FGFR1: variants seen among roughly 807,000 people sequenced by gnomAD.
The protein encoded by FGFR1 is FGFR1/PLAG1 fusion.
FGFR1 carries 18 observed loss-of-function variants against 93.7 expected under a neutral mutation model. That is an observed-to-expected ratio of 0.19 (90% CI 0.13 to 0.28). The LOEUF is 0.28. Ranked by LOEUF, FGFR1 falls within the 10% of genes least tolerant of loss-of-function variation. The probability of loss-of-function intolerance (pLI) is 1.00; values close to 1 mark genes in which losing one functional copy is unlikely to be tolerated. For synonymous variants in FGFR1, 448 were observed against 429.3 expected (o/e 1.04, Z -0.54); for missense variants, 731 against 1,080.4 (o/e 0.68, Z 4.53).
chr8:38,414,488 G>A (rs1815574312), intron 15 of FGFR1, 71 bp downstream of exon 15: 5 of 1,574,316 alleles, frequency 3.2e-6, no homozygotes, highest in Non-Finnish European at 8.7e-7. Context: ...AGTCCAGGGA[G>A]AAAGCAGGAC....
At position 38,414,302 on chromosome 8, in the gene FGFR1, G is replaced by A. The variant is rs756845879; in HGVS notation, c.2049-13C>T. The A allele has an allele frequency of 2.8e-5, 46 of 1,614,128 alleles. No homozygotes were observed. The highest frequency in any genetic ancestry group is 6.7e-5 in the African/African-American group (5 of 75,034). On this transcript the variant is annotated splice_polypyrimidine_tract_variant and intron_variant, in intron 15 of 17. Coordinates refer to ENST00000447712, the MANE Select transcript of FGFR1 (RefSeq NM_023110.3). The stretch of plus-strand genomic sequence containing the variant: ...CCCGAAAGACCACCTGCAAATGGGC[G>A]GAGAGCCACAGGGTGTTAGAGCTTC...
rs973312103 is a variant in FGFR1 at position 38,412,750 on chromosome 8, T to C, written c.*878A>G. 4.3e-6 allele frequency: 1 copy of C among 233,484 alleles called. No individual in the cohort carries two copies. Among genetic ancestry groups the C allele is most frequent in the Admixed American group, 5.6e-5 (1 of 17,772 alleles). The allele number at this position is 233,484 out of a possible 1,614,324, so 14.5% of individuals were successfully genotyped here. Reference sequence around the variant, plus strand: ...ATAAATGAAGCAGCAGCAATTTTTATTGAGGGACCTAAACTGAAAATAGGT... The same window carrying C: ...ATAAATGAAGCAGCAGCAATTTTTACTGAGGGACCTAAACTGAAAATAGGT... On this transcript the variant is annotated 3_prime_UTR_variant, in exon 18 of 18. Transcript: ENST00000447712.
chr8:38,414,069 C>T (rs372408809), intron 16 of FGFR1, 46 bp from the exon 17 acceptor site: 2 of 1,613,586 alleles, frequency 1.2e-6, no homozygotes, highest in Non-Finnish European at 1.7e-6. Context: ...GAGATGGATA[C>T]TCTCTAGTCT....
intron 7 of FGFR1, chr8:38,422,879 C>T (rs1007164545): frequency 5.0e-5 from 30 of 602,950 alleles, no homozygotes; most frequent in Middle Eastern, 4.0e-4. Flanking sequence ...AACCAGCCTC[C>T]CAGGCCGGGT....
At chr8:38,421,580 C>G (rs1003725820) in intron 8 of FGFR1, 3 of 623,984 alleles carry the variant, frequency 4.8e-6, no homozygotes, top group Non-Finnish European at 8.7e-6. Flanking sequence ...GGCAGGTGTA[C>G]GGGTGGGAGG....
intron 13 of FGFR1, 80 bp downstream of exon 13, chr8:38,415,790 A>G: frequency 7.1e-7 from 1 of 1,410,102 alleles, no homozygotes; most frequent in Non-Finnish European, 1.0e-6. Flanking sequence ...CCACCACAAG[A>G]TGATAAGTCA....
chr8:38,414,946 G>A (rs1159107257), intron 13 of FGFR1, 45 bp from the exon 14 acceptor site: 1 of 1,569,092 alleles, frequency 6.4e-7, no homozygotes, highest in South Asian at 1.1e-5. Flanking sequence ...AGGTGAGGGA[G>A]CTGGAAGGCT....
Position 38,429,134 on chromosome 8 carries a change from C to T in FGFR1, c.358+548G>A. ...AATGGCATAAAGAAAATTTCAGCTC[C>T]ACTTCCTCAACTCCTAGTTTTGTGA... On this transcript the variant is annotated intron_variant, in intron 3 of 17. Transcript: ENST00000447712. The surrounding 1 kb of genome is among the most constrained non-coding windows in gnomAD (Gnocchi z 4.4). 1 of 362,520 alleles carries T rather than the reference C, an allele frequency of 2.8e-6. No homozygotes were observed. The highest frequency in any genetic ancestry group is 5.5e-6 in the Non-Finnish European group (1 of 182,912). 22.5% of individuals were successfully genotyped at this position (362,520 alleles called of 1,614,324 possible). A position where few individuals can be genotyped will look rare whatever the true frequency, so the allele number is the denominator to read the frequency against.
At chr8:38,466,914 C>CAAA (rs1334795178) in intron 1 of FGFR1, among the ~76,000 whole-genome samples, 3 of 137,594 alleles carry the variant, frequency 2.2e-5, no homozygotes, top group Admixed American at 1.4e-4. Context: ...CCACCACCAC[C>CAAA]AAAAAAGTGT....
At chr8:38,452,293 C>G (rs959870321) in intron 2 of FGFR1, among the ~76,000 whole-genome samples, 2 of 151,638 alleles carry the variant, frequency 1.3e-5, no homozygotes, top group Admixed American at 6.6e-5. Flanking sequence ...TCAGTGTGAA[C>G]AGGGTTTTAG....
rs1485152215 is a variant in FGFR1 at position 38,417,926 on chromosome 8, C to T, written c.1496G>A (p.Gly499Glu). 1.2e-6 allele frequency: 2 copies of T among 1,614,200 alleles called. No individual in the cohort carries two copies. Among genetic ancestry groups the T allele is most frequent in the African/African-American group, 1.3e-5 (1 of 75,048 alleles). ...FGQVVLAEAI[G>E]LDKDKPNRVT... is the part of the protein sequence containing the mutation. Reference sequence around the variant, plus strand: ...ACGGTTGGGTTTGTCCTTGTCCAGCCCGATAGCCTCTGCCAACACCACCTG... The same window carrying T: ...ACGGTTGGGTTTGTCCTTGTCCAGCTCGATAGCCTCTGCCAACACCACCTG... The change falls in exon 11 of 18, where the codon GGG becomes GAG. Residue 499 changes from glycine to glutamate, a missense_variant. Gly to Glu is a moderately conservative substitution (Grantham distance 98). Around this residue, in one of 10 missense-constraint regions of FGFR1, gnomAD observed 62 missense variants for 99.5 expected, o/e 0.62. Coordinates refer to ENST00000447712, the MANE Select transcript of FGFR1 (RefSeq NM_023110.3).
rs1421041102 is a variant in FGFR1, at chr8:38,447,096, CAA to C, written c.91+10258_91+10259del. Among the ~76,000 whole-genome samples the C allele has an allele frequency of 1.8e-4, 16 of 90,016 alleles. No individual in the cohort carries two copies. The Admixed American group carries it at 2.1e-3, about 12-fold the overall frequency. The allele number at this position is 90,016 out of a possible 152,430, so 59.1% of individuals were successfully genotyped here. A position where few individuals can be genotyped will look rare whatever the true frequency, so the allele number is the denominator to read the frequency against. On this transcript the variant is annotated intron_variant, in intron 2 of 17. Transcript: ENST00000447712. ...ATGCCACAGGAGATATTACTGCAAGCAAACACACACACACACACACACACACA... is the reference window on the plus strand; with the variant it reads ...ATGCCACAGGAGATATTACTGCAAGCACACACACACACACACACACACACA...
intron 1 of FGFR1, among the ~76,000 whole-genome samples, chr8:38,461,415 ACCTCCAT>A (rs1286306660): frequency 6.6e-6 from 1 of 151,752 alleles, no homozygotes; most frequent in African/African-American, 2.4e-5. Flanking sequence ...ACTCACTACA[ACCTCCAT>A]CCCCCAGACT....
intron 2 of FGFR1, among the ~76,000 whole-genome samples, chr8:38,445,667 T>C (rs1829046321): frequency 6.6e-6 from 1 of 151,406 alleles, no homozygotes; most frequent in Admixed American, 6.6e-5. Flanking sequence ...GCCTCCAGAG[T>C]AGCTGGGATT....
chr8:38,436,442 C>T (rs1052030387), intron 2 of FGFR1, among the ~76,000 whole-genome samples: 2 of 152,038 alleles, frequency 1.3e-5, no homozygotes, highest in African/African-American at 2.4e-5. Flanking sequence ...ATGGAGTCAC[C>T]GTTCTCATCA....
chr8:38,446,743 C>A (rs918176174), intron 2 of FGFR1, among the ~76,000 whole-genome samples: 1 of 152,024 alleles, frequency 6.6e-6, no homozygotes, highest in Non-Finnish European at 1.5e-5. Context: ...CTAGTAGCCT[C>A]AAAAAAATGT....
Position 38,414,035 on chromosome 8 carries a change from C to T in FGFR1, c.2187-12G>A, listed in dbSNP as rs2150524750. On this transcript the variant is annotated splice_polypyrimidine_tract_variant and intron_variant, in intron 16 of 17. Coordinates refer to ENST00000447712, the MANE Select transcript of FGFR1 (RefSeq NM_023110.3). The stretch of plus-strand genomic sequence containing the variant: ...GCATCATCATGTACCTGCGGCAGGA[C>T]TGTAAGGTCAGGGACGTCTCCTGGA... 6.2e-7 allele frequency: 1 copy of T among 1,613,920 alleles called. No individual in the cohort carries two copies. The highest frequency in any genetic ancestry group is 1.1e-5 in the South Asian group (1 of 91,068).
At chr8:38,464,635 C>A (rs1835131057) in intron 1 of FGFR1, among the ~76,000 whole-genome samples, 1 of 152,214 alleles carries the variant, frequency 6.6e-6, no homozygotes, top group African/African-American at 2.4e-5. Context: ...AGCTCTGCAT[C>A]TGGGCTCCCA....
chr8:38,447,140 CA>C (rs1488444183), intron 2 of FGFR1, among the ~76,000 whole-genome samples: 46 of 147,954 alleles, frequency 3.1e-4, no homozygotes, highest in African/African-American at 8.0e-4. Flanking sequence ...CACACACACA[CA>C]CACACACACA....
Sources: allele counts gnomAD v4.1 joint callset (sites outside exome capture counted in the v4.1 genomes callset), GRCh38; gene constraint gnomAD v4.1.1; regional missense constraint gnomAD v4.1.1; non-coding constraint Gnocchi (gnomAD v3.1); transcripts MANE v1.5; gene names NCBI Gene and HGNC (gene_info 2026-07-23, HGNC 2026-07-21).